Variants in PDGFRL observed in about 807,000 individuals in gnomAD.
PDGFRL encodes the protein platelet derived growth factor receptor like.
Under a neutral mutation model 37.2 loss-of-function variants are expected in PDGFRL, and 46 were observed. That is an observed-to-expected ratio of 1.24 (90% confidence interval 0.98 to 1.58). The LOEUF is 1.58. Ranked by LOEUF, PDGFRL falls within the 40% of genes most tolerant of loss-of-function variation. The probability of loss-of-function intolerance (pLI) is 0.00; values close to 1 mark genes in which losing one functional copy is unlikely to be tolerated. For synonymous variants in PDGFRL, 251 were observed against 184.3 expected (o/e 1.36, Z -2.93); for missense variants, 692 against 467.6 (o/e 1.48, Z -4.43).
chr8:17,621,375 C>G (rs561822872), intron 3 of PDGFRL, among the ~76,000 whole-genome samples, 173 bp downstream of exon 3: 1 of 151,752 alleles, frequency 6.6e-6, no homozygotes. Context: ...CTTACCGTAA[C>G]CCTTCAGGGC....
At chr8:17,576,873 G>A (rs957155309), upstream of PDGFRL, 6 of 254,138 alleles carry the variant, frequency 2.4e-5, no homozygotes, top group Non-Finnish European at 4.2e-5. Context: ...GTAACATTTG[G>A]ACAATCGTGG....
At chr8:17,617,016 C>T (rs1163968218) in intron 2 of PDGFRL, among the ~76,000 whole-genome samples, 1 of 152,130 alleles carries the variant, frequency 6.6e-6, no homozygotes, top group East Asian at 1.9e-4. Flanking sequence ...CTTAGGCCAC[C>T]CCCAGGAGAG....
rs535786058 is a variant in PDGFRL, at chr8:17,610,093, C to T, written c.354-10958C>T. 3.3e-5 allele frequency among the ~76,000 whole-genome samples: 5 copies of T among 152,296 alleles called. No individual in the cohort carries two copies. In the East Asian group the frequency reaches 5.8e-4, roughly 18 times the overall value. On this transcript the variant is annotated intron_variant, in intron 2 of 5. Coordinates refer to ENST00000251630, the MANE Select transcript of PDGFRL (RefSeq NM_001372073.1). ...CCATAATACACTCACTGTGCCTGCA[C>T]GCCTGCCCATTAGTAATTCACAGCT...
chr8:17,634,480 G>A (rs996218857), intron 5 of PDGFRL, among the ~76,000 whole-genome samples: 7 of 151,090 alleles, frequency 4.6e-5, no homozygotes, highest in Non-Finnish European at 7.4e-5. Flanking sequence ...TTCATATGCA[G>A]GTTTTTTTTT....
chr8:17,577,444 C>G, intron 1 of PDGFRL, 137 bp downstream of exon 1: 1 of 731,466 alleles, frequency 1.4e-6, no homozygotes, highest in Non-Finnish European at 2.4e-6. Context: ...ACTGCCTGCC[C>G]GGTGCACCTG....
intron 2 of PDGFRL, among the ~76,000 whole-genome samples, chr8:17,617,638 C>T (rs1286486747): frequency 6.6e-6 from 1 of 152,168 alleles, no homozygotes; most frequent in Admixed American, 6.5e-5. Flanking sequence ...AATTTGTTTC[C>T]TGTTTTATAT....
intron 2 of PDGFRL, among the ~76,000 whole-genome samples, chr8:17,601,183 C>A (rs1426590634): frequency 6.6e-6 from 1 of 152,240 alleles, no homozygotes; most frequent in African/African-American, 2.4e-5. Flanking sequence ...AATTGTCCCA[C>A]TTCTTCCTAT....
At chr8:17,609,653 AAAAAAAAAAAAAT>A (rs1256878315) in intron 2 of PDGFRL, among the ~76,000 whole-genome samples, 1,105 of 104,896 alleles carry the variant, frequency 0.011, 20 homozygotes, top group South Asian at 0.029. Context: ...AAAAAAAAAA[AAAAAAAAAAAAAT>A]AAGAGCCAAA....
At chr8:17,641,519 G>T (rs1254061910) in intron 5 of PDGFRL, among the ~76,000 whole-genome samples, 1 of 152,196 alleles carries the variant, frequency 6.6e-6, no homozygotes, top group African/African-American at 2.4e-5. Flanking sequence ...CTCTATACAA[G>T]CTGTGCCCAT....
At chr8:17,596,353 C>G (rs2246502) in intron 2 of PDGFRL, 20 of 1,238,254 alleles carry the variant, frequency 1.6e-5, no homozygotes, top group Admixed American at 3.7e-5. Flanking sequence ...AAGAAGCCAA[C>G]GCGCCCGCAG....
At chr8:17,630,387 G>A (rs568134504) in intron 4 of PDGFRL, among the ~76,000 whole-genome samples, 8 of 152,244 alleles carry the variant, frequency 5.3e-5, no homozygotes, top group Non-Finnish European at 8.8e-5. Context: ...ACTGCCATCC[G>A]TTCCATTGTG....
intron 2 of PDGFRL, among the ~76,000 whole-genome samples, chr8:17,612,252 C>T (rs932423628): frequency 6.6e-6 from 1 of 152,218 alleles, no homozygotes; most frequent in African/African-American, 2.4e-5. Flanking sequence ...AGCCCTTGTG[C>T]TTACGCATTT....
intron 2 of PDGFRL, among the ~76,000 whole-genome samples, chr8:17,620,838 ATTTC>A (rs1317866029): frequency 3.5e-5 from 5 of 142,412 alleles, no homozygotes; most frequent in African/African-American, 1.3e-4. Context: ...TTTTTTCCTG[ATTTC>A]TTTTTTTTCA....
At position 17,628,835 on chromosome 8, in the gene PDGFRL, T is replaced by A. The variant is rs999129672; in HGVS notation, c.799+55T>A. The A allele has an allele frequency of 8.1e-6, 10 of 1,240,880 alleles. No individual in the cohort carries two copies. In the African/African-American group the frequency reaches 1.3e-4, roughly 16 times the overall value. 76.9% of individuals were successfully genotyped at this position (1,240,880 alleles called of 1,614,324 possible). On this transcript the variant is annotated intron_variant, in intron 4 of 5. Coordinates refer to ENST00000251630, the MANE Select transcript of PDGFRL (RefSeq NM_001372073.1). The stretch of plus-strand genomic sequence containing the variant: ...AGTTAGTCCCCTGGTCAGTTTCAGG[T>A]ACTGCTGTTCCCTGCCTGCAGATGG...
chr8:17,593,558 A>T (rs1212263707), intron 2 of PDGFRL, among the ~76,000 whole-genome samples: 1 of 150,686 alleles, frequency 6.6e-6, no homozygotes, highest in Admixed American at 6.7e-5. Context: ...TGATCATACC[A>T]CTATATTCCA....
intron 4 of PDGFRL, among the ~76,000 whole-genome samples, chr8:17,632,461 C>T (rs1804883021): frequency 6.6e-6 from 1 of 152,042 alleles, no homozygotes; most frequent in Admixed American, 6.5e-5. Context: ...CTGTCTCAGG[C>T]TCAGTATCTG....
intron 4 of PDGFRL, among the ~76,000 whole-genome samples, chr8:17,633,168 C>T (rs559703143): frequency 6.6e-6 from 1 of 152,278 alleles, no homozygotes; most frequent in African/African-American, 2.4e-5. Flanking sequence ...CATTAACACA[C>T]CTGTAATCCC....
chr8:17,632,992 G>T (rs755392884), intron 4 of PDGFRL, among the ~76,000 whole-genome samples: 8 of 152,116 alleles, frequency 5.3e-5, no homozygotes, highest in Non-Finnish European at 1.2e-4. Flanking sequence ...CTGCTTCATA[G>T]CTTTTAACAC....
At chr8:17,621,804 C>T (rs1585325580) in intron 3 of PDGFRL, among the ~76,000 whole-genome samples, 1 of 152,158 alleles carries the variant, frequency 6.6e-6, no homozygotes, top group Admixed American at 6.5e-5. Flanking sequence ...GGATGCTTCA[C>T]TAAAGACCTC....
Sources: allele counts gnomAD v4.1 joint callset (sites outside exome capture counted in the v4.1 genomes callset), GRCh38; gene constraint gnomAD v4.1.1; transcripts MANE v1.5; gene names NCBI Gene and HGNC (gene_info 2026-07-23, HGNC 2026-07-21).